The following LRRTM4 variants were observed in gnomAD, a reference collection of about 807,000 sequenced individuals.
LRRTM4 encodes leucine rich repeat transmembrane neuronal 4, also known as leucine-rich repeat transmembrane neuronal protein 4.
LRRTM4 carries 25 observed loss-of-function variants against 47.6 expected under a neutral mutation model. That is an observed-to-expected ratio of 0.53 (90% CI 0.38 to 0.73). The LOEUF is 0.73. LRRTM4 is among the 30% of genes least tolerant of loss of function. The pLI is 0.00. For synonymous variants in LRRTM4, 311 were observed against 269.5 expected, an observed-to-expected ratio of 1.15 and a Z score of -1.51; for missense variants, 638 against 713.4, an observed-to-expected ratio of 0.89 and a Z score of 1.20.
chr2:77,050,536 A>C (rs1428573221), intron 3 of LRRTM4, among the ~76,000 whole-genome samples: 1 of 152,192 alleles, frequency 6.6e-6, no homozygotes, highest in Admixed American at 6.6e-5. Context: ...GACAATAAAG[A>C]TAAGATATCA....
intron 3 of LRRTM4, among the ~76,000 whole-genome samples, chr2:77,028,787 G>C (rs1678541633): frequency 6.6e-6 from 1 of 151,812 alleles, no homozygotes; most frequent in Non-Finnish European, 1.5e-5. Flanking sequence ...TGTAATCCCA[G>C]CACTTTGGGA....
intron 3 of LRRTM4, among the ~76,000 whole-genome samples, chr2:76,856,911 A>T (rs982352557): frequency 6.6e-6 from 1 of 152,202 alleles, no homozygotes; most frequent in African/African-American, 2.4e-5. Context: ...TTCAAAAACA[A>T]ACATGTATTT....
chr2:77,256,610 T>C (rs1675775876), intron 3 of LRRTM4, among the ~76,000 whole-genome samples: 1 of 152,154 alleles, frequency 6.6e-6, no homozygotes, highest in African/African-American at 2.4e-5. Flanking sequence ...ACTGCCAACA[T>C]ATATTTAAGA....
chr2:77,492,958 G>A (rs147893066), intron 3 of LRRTM4, among the ~76,000 whole-genome samples: 9 of 152,082 alleles, frequency 5.9e-5, no homozygotes, highest in African/African-American at 1.7e-4. Flanking sequence ...ATGAATTAAC[G>A]TAATAAAATT....
At chr2:77,131,529 G>A (rs1353098904) in intron 3 of LRRTM4, among the ~76,000 whole-genome samples, 1 of 152,130 alleles carries the variant, frequency 6.6e-6, no homozygotes, top group Admixed American at 6.5e-5. Context: ...TGGTTCTAAT[G>A]TTCGTATGGT....
At chr2:76,822,217 A>G (rs1055982280) in intron 3 of LRRTM4, among the ~76,000 whole-genome samples, 1 of 151,556 alleles carries the variant, frequency 6.6e-6, no homozygotes, top group Non-Finnish European at 1.5e-5. Flanking sequence ...GAACTTAATA[A>G]AATTAGAGCT....
intron 3 of LRRTM4, chr2:76,987,357 AT>A (rs1676839337): frequency 6.6e-6 from 1 of 151,910 alleles, no homozygotes; most frequent in Non-Finnish European, 1.5e-5. Flanking sequence ...ACTCTAAAGA[AT>A]TATCATAATT....
intron 3 of LRRTM4, among the ~76,000 whole-genome samples, chr2:77,280,630 C>T (rs763359505): frequency 9.9e-5 from 15 of 151,738 alleles, no homozygotes; most frequent in African/African-American, 2.2e-4. Context: ...TGACTTTGCC[C>T]GTTACTATTC....
intron 3 of LRRTM4, among the ~76,000 whole-genome samples, chr2:76,950,432 C>A (rs750283648): frequency 3.6e-4 from 55 of 151,818 alleles, no homozygotes; most frequent in Non-Finnish European, 6.6e-4. Context: ...CCTGTACTTT[C>A]CAAACTTTGT....
intron 3 of LRRTM4, among the ~76,000 whole-genome samples, chr2:77,371,728 T>C (rs985052780): frequency 1.3e-5 from 2 of 151,690 alleles, no homozygotes; most frequent in African/African-American, 4.8e-5. Flanking sequence ...CTTTTTTTTC[T>C]ATTGGCTCCT....
Position 77,006,986 on chromosome 2 carries a change from G to C in LRRTM4, c.1552-258070C>G, listed in dbSNP as rs558061035. ...AGGAGGACAAAAGATGAGCTTTATA[G>C]AAAGAGGAATACCTAATAGGATGGG... On this transcript the variant is annotated intron_variant, in intron 3 of 3. Coordinates refer to ENST00000409884, the MANE Select transcript of LRRTM4 (RefSeq NM_001134745.3). Among the ~76,000 whole-genome samples the C allele has an allele frequency of 9.3e-4, 142 of 152,140 alleles. 1 individual carries two copies. In the Middle Eastern group the frequency reaches 0.01, roughly 11 times the overall value.
intron 3 of LRRTM4, among the ~76,000 whole-genome samples, chr2:76,925,008 T>G (rs1674544822): frequency 6.6e-6 from 1 of 152,128 alleles, no homozygotes. Flanking sequence ...GAGAGACTTG[T>G]AACTTACATC....
At chr2:77,141,002 G>A (rs1672106064) in intron 3 of LRRTM4, among the ~76,000 whole-genome samples, 1 of 152,114 alleles carries the variant, frequency 6.6e-6, no homozygotes, top group African/African-American at 2.4e-5. Context: ...GGAGAAATAG[G>A]AACAGTTTTA....
At chr2:76,979,266 G>A (rs1225760497) in intron 3 of LRRTM4, among the ~76,000 whole-genome samples, 2 of 151,878 alleles carry the variant, frequency 1.3e-5, no homozygotes, top group Non-Finnish European at 2.9e-5. Flanking sequence ...GAACAAGTAG[G>A]GTGTCTATTA....
rs139511105 is a variant in LRRTM4 at position 77,040,507 on chromosome 2, G to A, written c.1552-291591C>T. On this transcript the variant is annotated intron_variant, in intron 3 of 3. Transcript: ENST00000409884. ...AGAGAGAAACAAGGTCATCAAGCTT[G>A]TGTTTTGATAGCCCTACTCATAAGT... 2.1e-3 allele frequency among the ~76,000 whole-genome samples: 313 copies of A among 151,508 alleles called. 7 individuals carry two copies. Among genetic ancestry groups the A allele is most frequent in the African/African-American group, 7.3e-3 (303 of 41,478 alleles).
intron 3 of LRRTM4, among the ~76,000 whole-genome samples, chr2:76,762,483 T>G (rs918530724): frequency 1.3e-5 from 2 of 152,220 alleles, no homozygotes; most frequent in East Asian, 1.9e-4. Context: ...CACCCCAAAC[T>G]ACTTCAATGA....
chr2:77,414,072 C>A, intron 3 of LRRTM4, among the ~76,000 whole-genome samples: 1 of 152,166 alleles, frequency 6.6e-6, no homozygotes, highest in Non-Finnish European at 1.5e-5. Flanking sequence ...ACTGTTACCT[C>A]AAATCAAAAT....
intron 3 of LRRTM4, among the ~76,000 whole-genome samples, chr2:77,111,363 G>A (rs1351742252): frequency 1.4e-5 from 2 of 147,514 alleles, no homozygotes; most frequent in African/African-American, 2.5e-5. Context: ...TACTGACCTC[G>A]TGATCCGCCC....
At chr2:77,076,871 A>G (rs1026271047) in intron 3 of LRRTM4, among the ~76,000 whole-genome samples, 14 of 152,182 alleles carry the variant, frequency 9.2e-5, no homozygotes, top group African/African-American at 3.1e-4. Context: ...ATGCCAGATT[A>G]TAAGTACTAA....
Sources: gnomAD v4.1 joint callset for allele counts (sites outside exome capture counted in the v4.1 genomes callset) on GRCh38, gnomAD v4.1.1 for gene constraint, MANE v1.5 for transcripts, NCBI Gene and HGNC (gene_info 2026-07-23, HGNC 2026-07-21) for gene names.